Variants in TAF5 observed in about 807,000 individuals in gnomAD.
TAF5 encodes TATA-box binding protein associated factor 5, also known as transcription initiation factor TFIID subunit 5.
In TAF5, 20 loss-of-function variants were observed where a neutral mutation model predicts 80.9. The ratio of observed to expected loss-of-function variants is 0.25; its 90% CI spans 0.17 to 0.36. The LOEUF is 0.36. TAF5 is among the 10% of genes least tolerant of loss of function. The probability of loss-of-function intolerance (pLI) is 1.00; values close to 1 mark genes in which losing one functional copy is unlikely to be tolerated. For synonymous variants in TAF5, 388 were observed against 406.4 expected, an observed-to-expected ratio of 0.95 and a Z score of 0.55; for missense variants, 863 against 1,029.4, an observed-to-expected ratio of 0.84 and a Z score of 2.21.
intron 8 of TAF5, among the ~76,000 whole-genome samples, chr10:103,386,109 C>T (rs1001048029): frequency 6.6e-6 from 1 of 151,952 alleles, no homozygotes; most frequent in African/African-American, 2.4e-5. Flanking sequence ...GTTTCTCTGT[C>T]ATCTGCTTAG....
At chr10:103,370,762 T>C (rs992250114) in intron 1 of TAF5, among the ~76,000 whole-genome samples, 1 of 152,232 alleles carries the variant, frequency 6.6e-6, no homozygotes, top group African/African-American at 2.4e-5. Flanking sequence ...AAAACTCATA[T>C]ACCGTATAAG....
rs755773467 is a variant in TAF5 at position 103,368,252 on chromosome 10, C to T, written c.263C>T (p.Ala88Val). 34 of 1,512,014 alleles carry T rather than the reference C, an allele frequency of 2.2e-5. No individual in the cohort carries two copies. In the East Asian group the frequency reaches 7.1e-4, roughly 32 times the overall value. 93.7% of individuals were successfully genotyped at this position (1,512,014 alleles called of 1,614,324 possible). ...CCGGTGCCCGCCGCTGCTCCGGACG[C>T]CGGCGCTCCGCATGACCGACAGACT... ...AAPVPAAAPD[A>V]GAPHDRQTLL... is the part of the protein sequence containing the mutation. Residue 88 changes from alanine (A) to valine (V), a missense_variant, in exon 1 of 11, where the codon GCC (alanine) becomes GTC (valine). Around this residue, in one of 3 missense-constraint regions of TAF5, gnomAD observed 367 missense variants for 335.5 expected, o/e 1.09. Transcript: ENST00000369839.
chr10:103,386,615 G>A (rs528581536), intron 8 of TAF5, among the ~76,000 whole-genome samples: 2 of 151,916 alleles, frequency 1.3e-5, no homozygotes, highest in Non-Finnish European at 2.9e-5. Context: ...TGGGAGGATT[G>A]CTGGAACCGA....
chr10:103,368,377 TCCGGAGCC>T lies in TAF5; in HGVS notation c.393_400del (p.Ala132ArgfsTer8). ...GCTGCTGGAGGAGGCAGTGGCGGGC[TCCGGAGCC>T]CCGGGAGAGGTGGACAGCGCCGGCG... is the stretch of plus-strand genomic sequence containing the variant. On this transcript the variant is annotated frameshift_variant, in exon 1 of 11. Transcript: ENST00000369839. LOFTEE classifies it high-confidence loss of function. 1 of 1,499,664 alleles carries T rather than the reference TCCGGAGCC, an allele frequency of 6.7e-7. No individual in the cohort carries two copies. Among genetic ancestry groups the T allele is most frequent in the African/African-American group, 1.4e-5 (1 of 70,546 alleles). 92.9% of individuals were successfully genotyped at this position (1,499,664 alleles called of 1,614,324 possible). A position where few individuals can be genotyped will look rare whatever the true frequency, so the allele number is the denominator to read the frequency against.
chr10:103,387,081 A>G (rs1332096147), intron 8 of TAF5, 94 bp from the exon 9 acceptor site: 12 of 1,284,280 alleles, frequency 9.3e-6, no homozygotes, highest in Non-Finnish European at 1.2e-5. Flanking sequence ...CTAACTTTTT[A>G]TGTGGATGTT....
rs2093402550 is a variant in TAF5, at chr10:103,388,236, A to T, written c.*13A>T. 1 of 1,600,452 alleles carries T rather than the reference A, an allele frequency of 6.2e-7. No homozygotes were observed. ...TAGTCCACAATAAACCATCGGTATT[A>T]AAGACCTTTTGGAAGCTACTGTTTT... is the stretch of plus-strand genomic sequence containing the variant. On this transcript the variant is annotated 3_prime_UTR_variant, in exon 11 of 11. Coordinates refer to ENST00000369839, the MANE Select transcript of TAF5 (RefSeq NM_006951.5).
In TAF5 at chr10:103,388,269, G is replaced by A; in HGVS notation, c.*46G>A. 6.6e-7 allele frequency: 1 copy of A among 1,520,906 alleles called. No homozygotes were observed. The highest frequency in any genetic ancestry group is 1.4e-5 in the African/African-American group (1 of 72,050). The allele number at this position is 1,520,906 out of a possible 1,614,324, so 94.2% of individuals were successfully genotyped here. On this transcript the variant is annotated 3_prime_UTR_variant, in exon 11 of 11. Coordinates refer to ENST00000369839, the MANE Select transcript of TAF5 (RefSeq NM_006951.5). Reference sequence around the variant, plus strand: ...TTTGGAAGCTACTGTTTTTAAAAAGGGAGACTAAAAGCAAATACCTCAGTG... The same window carrying A: ...TTTGGAAGCTACTGTTTTTAAAAAGAGAGACTAAAAGCAAATACCTCAGTG...
At chr10:103,372,330 C>T (rs374850890) in intron 1 of TAF5, among the ~76,000 whole-genome samples, 16 of 149,312 alleles carry the variant, frequency 1.1e-4, no homozygotes, top group African/African-American at 2.7e-4. Flanking sequence ...TGGCTGGGCG[C>T]GGTGGCTCGT....
chr10:103,368,151 G>C lies in TAF5; in HGVS notation c.162G>C (p.Ser54=). 1 of 1,394,616 alleles carries C rather than the reference G, an allele frequency of 7.2e-7. No individual in the cohort carries two copies. Among genetic ancestry groups the C allele is most frequent in the Non-Finnish European group, 9.3e-7 (1 of 1,074,732 alleles). 86.4% of individuals were successfully genotyped at this position (1,394,616 alleles called of 1,614,324 possible). Residue 54 remains serine (S), a synonymous_variant, in exon 1 of 11, where the codon TCG becomes TCC. Transcript: ENST00000369839. ...PNGGGGNVAA[S]SSTGGDGGTP... Reference sequence around the variant, plus strand: ...GCGGCGGCGGGAACGTTGCGGCGTCGTCGTCCACTGGCGGGGATGGCGGGA... The same window carrying C: ...GCGGCGGCGGGAACGTTGCGGCGTCCTCGTCCACTGGCGGGGATGGCGGGA...
At chr10:103,386,101 TTC>T (rs1445137844) in intron 8 of TAF5, among the ~76,000 whole-genome samples, 1 of 152,042 alleles carries the variant, frequency 6.6e-6, no homozygotes, top group African/African-American at 2.4e-5. Flanking sequence ...ACCTTTATGT[TTC>T]TCTGTCATCT....
chr10:103,372,238 A>G (rs2093361160), intron 1 of TAF5, among the ~76,000 whole-genome samples: 1 of 150,472 alleles, frequency 6.6e-6, no homozygotes, highest in Admixed American at 6.6e-5. Context: ...TTGGCCTGTT[A>G]TTGTTATCTT....
chr10:103,369,168 G>A (rs1239308935), intron 1 of TAF5, among the ~76,000 whole-genome samples: 4 of 150,932 alleles, frequency 2.7e-5, no homozygotes, highest in African/African-American at 9.7e-5. Context: ...TAGTAGAGGC[G>A]GGCTTTCACC....
At position 103,374,777 on chromosome 10, in the gene TAF5, T is replaced by C. The variant is rs1265988788; in HGVS notation, c.797+1182T>C. ...CTATAGGGACAAGTTTTGGAAGTTATTGCAGTGGTTCTCAACTGGAGGTGG... is the reference window on the plus strand; with the variant it reads ...CTATAGGGACAAGTTTTGGAAGTTACTGCAGTGGTTCTCAACTGGAGGTGG... On this transcript the variant is annotated intron_variant, in intron 2 of 10. Transcript: ENST00000369839. The surrounding 1 kb of genome is among the most constrained non-coding windows in gnomAD (Gnocchi z 4.3). Among the ~76,000 whole-genome samples, 6 of 152,206 alleles carry C rather than the reference T, an allele frequency of 3.9e-5. No homozygotes were observed. The East Asian group carries it at 5.8e-4, about 15-fold the overall frequency.
At position 103,381,823 on chromosome 10, in the gene TAF5, A is replaced by G. The variant is rs2093383733; in HGVS notation, c.1516A>G (p.Ser506Gly). The change falls in exon 6 of 11, where the codon AGT becomes GGT. Residue 506 changes from serine (S) to glycine (G), a missense_variant. By Grantham distance (56) the Ser-to-Gly change is moderately conservative. Around this residue, in one of 3 missense-constraint regions of TAF5, gnomAD observed 368 missense variants for 461.7 expected, o/e 0.80. Transcript: ENST00000369839. ...GTCGGTAACACCCAAAAAGCTTCGT[A>G]GTGTCAAACAAGCATCAGGTAACTG... ...VWSVTPKKLR[S>G]VKQASDLSLI... 1.9e-6 allele frequency: 3 copies of G among 1,614,214 alleles called. No homozygotes were observed. The East Asian group carries it at 6.7e-5, about 36-fold the overall frequency.
intron 8 of TAF5, 84 bp from the exon 9 acceptor site, chr10:103,387,091 T>G: frequency 7.4e-7 from 1 of 1,357,840 alleles, no homozygotes; most frequent in Non-Finnish European, 1.0e-6. Context: ...ATGTGGATGT[T>G]TCTGTATTTA....
chr10:103,381,676 A>G (rs776361962), intron 5 of TAF5, 45 bp from the exon 6 acceptor site: 5 of 1,607,240 alleles, frequency 3.1e-6, no homozygotes, highest in Non-Finnish European at 4.3e-6. Context: ...CCTATCTCTA[A>G]ATATCCTAAA....
chr10:103,378,301 G>C lies in TAF5; in HGVS notation c.864G>C (p.Lys288Asn). Residue 288 changes from lysine (K) to asparagine (N), a missense_variant, in exon 3 of 11, where the codon AAG (lysine) becomes AAC (asparagine). Physicochemically the swap from Lys to Asn is moderately conservative, Grantham distance 94. Transcript: ENST00000369839. The surrounding 1 kb of genome is among the most constrained non-coding windows in gnomAD (Gnocchi z 4.1). ...GAGTATTATCTAGTCTTACCAAAAA[G>C]GAACACATGAAAGGGAATGAGACCA... Reference protein sequence around the residue: ...DLRVLSSLTKKEHMKGNETML... With the variant: ...DLRVLSSLTKNEHMKGNETML... The C allele has an allele frequency of 6.2e-7, 1 of 1,614,132 alleles. No homozygotes were observed. The highest frequency in any genetic ancestry group is 8.5e-7 in the Non-Finnish European group (1 of 1,180,030).
At chr10:103,387,984 G>C (rs1028530067) in intron 10 of TAF5, 22 bp from the exon 11 acceptor site, 2 of 1,595,920 alleles carry the variant, frequency 1.3e-6, no homozygotes, top group African/African-American at 2.7e-5. Flanking sequence ...GCAACTAATG[G>C]TTTCCTTTGA....
rs1006850294 is a variant in TAF5, at chr10:103,378,078, C to T, written c.798-157C>T. Among the ~76,000 whole-genome samples the T allele has an allele frequency of 3.3e-5, 5 of 152,138 alleles. No individual in the cohort carries two copies. The highest frequency in any genetic ancestry group is 1.2e-4 in the African/African-American group (5 of 41,420). On this transcript the variant is annotated intron_variant, in intron 2 of 10. Coordinates refer to ENST00000369839, the MANE Select transcript of TAF5 (RefSeq NM_006951.5). This position sits in a 1 kb window ranked among gnomAD's most constrained non-coding sequence, Gnocchi z 4.1. The stretch of plus-strand genomic sequence containing the variant: ...ATAAATTCAGAAACTGAATTATAGT[C>T]ATTTTGAAATGAGTTACTTCTTATC...
Sources: gnomAD v4.1 joint callset for allele counts (sites outside exome capture counted in the v4.1 genomes callset) on GRCh38, gnomAD v4.1.1 for gene constraint, gnomAD v4.1.1 regional missense constraint, Gnocchi (gnomAD v3.1) non-coding constraint, MANE v1.5 for transcripts, NCBI Gene and HGNC (gene_info 2026-07-23, HGNC 2026-07-21) for gene names.